Variants in DNAI2 observed in about 807,000 individuals in gnomAD.
DNAI2 encodes the protein dynein axonemal intermediate chain 2.
DNAI2 carries 63 observed loss-of-function variants against 74.7 expected under a neutral mutation model. That is an observed-to-expected ratio of 0.84 (90% confidence interval 0.69 to 1.04). The LOEUF (loss-of-function observed/expected upper bound fraction) is 1.04, where lower values mean the gene tolerates loss of function less well. Among genes scored for constraint, DNAI2 ranks in the 50% least tolerant of loss-of-function variants. DNAI2 has a pLI of 0.00. For synonymous variants in DNAI2, 289 were observed against 314.9 expected (o/e 0.92, Z 0.87); for missense variants, 688 against 803.2 (o/e 0.86, Z 1.73).
At chr17:74,280,925 A>G (rs2051351796) in intron 1 of DNAI2, among the ~76,000 whole-genome samples, 2 of 151,732 alleles carry the variant, frequency 1.3e-5, no homozygotes, top group Admixed American at 1.3e-4. Flanking sequence ...CATCTCTACA[A>G]AACAATACAA....
At chr17:74,302,031 G>A (rs1481669356) in intron 8 of DNAI2, among the ~76,000 whole-genome samples, 1 of 24,180 alleles carries the variant, frequency 4.1e-5, no homozygotes, top group African/African-American at 2.2e-4. Context: ...AGGAAAGAAG[G>A]AAGGAAGGAA....
rs1251342298 is a variant in DNAI2, at chr17:74,300,103, T to G, written c.864+246T>G. Among the ~76,000 whole-genome samples the G allele has an allele frequency of 2.0e-5, 3 of 152,188 alleles. No individual in the cohort carries two copies. Among genetic ancestry groups the G allele is most frequent in the Non-Finnish European group, 4.4e-5 (3 of 68,020 alleles). Reference sequence around the variant, plus strand: ...AGCTGGGATTACAGGCGCCTGCCACTATGCCTGGTTAATTTTTTATTTTTA... The same window carrying G: ...AGCTGGGATTACAGGCGCCTGCCACGATGCCTGGTTAATTTTTTATTTTTA... On this transcript the variant is annotated intron_variant, in intron 7 of 13. Transcript: ENST00000311014. This position sits in a 1 kb window ranked among gnomAD's most constrained non-coding sequence, Gnocchi z 4.5.
At chr17:74,288,532 C>T (rs1430867476) in intron 4 of DNAI2, among the ~76,000 whole-genome samples, 1 of 152,154 alleles carries the variant, frequency 6.6e-6, no homozygotes, top group Admixed American at 6.6e-5. Context: ...CTTCTGGCAT[C>T]CGGAACTGTG....
chr17:74,281,777 C>G (rs757638244), intron 1 of DNAI2, 30 bp from the exon 2 acceptor site: 3 of 1,605,594 alleles, frequency 1.9e-6, no homozygotes, highest in South Asian at 2.2e-5. Context: ...GGTGGGGTCC[C>G]TCACCCCACA....
chr17:74,312,161 G>A lies in DNAI2; in HGVS notation c.1653G>A (p.Glu551=), dbSNP rs1259057139. The change falls in exon 12 of 14, where the codon GAG becomes GAA. Residue 551 remains glutamate, a synonymous_variant. Coordinates refer to ENST00000311014, the MANE Select transcript of DNAI2 (RefSeq NM_023036.6). ...LEALVSKAEE[E]FFDIIFAELK... ...CGCTGGTCAGCAAGGCCGAGGAGGA[G>A]TTCTTCGACATCATCTTCGCAGAGC... 1.9e-6 allele frequency: 3 copies of A among 1,564,030 alleles called. No homozygotes were observed. Among genetic ancestry groups the A allele is most frequent in the South Asian group, 1.1e-5 (1 of 90,380 alleles).
chr17:74,303,434 G>A (rs1414711152), intron 8 of DNAI2, among the ~76,000 whole-genome samples: 1 of 152,088 alleles, frequency 6.6e-6, no homozygotes, highest in East Asian at 1.9e-4. Context: ...CCAACTTGAA[G>A]CCCAGGTTTT....
At chr17:74,296,203 A>C (rs921150832) in intron 6 of DNAI2, among the ~76,000 whole-genome samples, 1 of 152,110 alleles carries the variant, frequency 6.6e-6, no homozygotes, top group Non-Finnish European at 1.5e-5. Flanking sequence ...AGTTGAGCAC[A>C]GTGGCTCACG....
At position 74,299,795 on chromosome 17, in the gene DNAI2, G is replaced by A; in HGVS notation, c.802G>A (p.Gly268Ser). Reference protein sequence around the residue: ...IESSHRDPVYGTIWLQSKTGT... With the variant: ...IESSHRDPVYSTIWLQSKTGT... ...GTCCAGCCACCGAGACCCTGTGTAT[G>A]GCACCATCTGGCTGCAGTCGAAGAC... The change falls in exon 7 of 14, where the codon GGC becomes AGC. Residue 268 changes from glycine (G) to serine (S), a missense_variant. Gly to Ser is a moderately conservative substitution (Grantham distance 56, BLOSUM62 0). Coordinates refer to ENST00000311014, the MANE Select transcript of DNAI2 (RefSeq NM_023036.6). The A allele has an allele frequency of 1.2e-6, 2 of 1,613,538 alleles. No individual in the cohort carries two copies. The highest frequency in any genetic ancestry group is 1.7e-6 in the Non-Finnish European group (2 of 1,180,006).
At chr17:74,277,395 A>G (rs1287571951) in intron 1 of DNAI2, among the ~76,000 whole-genome samples, 5 of 151,860 alleles carry the variant, frequency 3.3e-5, no homozygotes, top group Admixed American at 1.3e-4. Context: ...AAAAAAAAAA[A>G]AAAAAAGAAA....
chr17:74,307,427 G>A (rs973288568), intron 9 of DNAI2: 3 of 400,840 alleles, frequency 7.5e-6, no homozygotes, highest in Admixed American at 2.7e-5. Context: ...CAGCACTTTG[G>A]GAGGCTGAGG....
rs550292414 is a variant in DNAI2, at chr17:74,300,651, G to A, written c.865-395G>A. ...TATACACAGATTGTTGCACACATGC[G>A]GGGATATATCTACAGCAGACATTGC... is the stretch of plus-strand genomic sequence containing the variant. On this transcript the variant is annotated intron_variant, in intron 7 of 13. Coordinates refer to ENST00000311014, the MANE Select transcript of DNAI2 (RefSeq NM_023036.6). This position sits in a 1 kb window ranked among gnomAD's most constrained non-coding sequence, Gnocchi z 4.5. Among the ~76,000 whole-genome samples, 32 of 152,316 alleles carry A rather than the reference G, an allele frequency of 2.1e-4. No homozygotes were observed. The highest frequency in any genetic ancestry group is 1.6e-3 in the Admixed American group (24 of 15,300).
intron 2 of DNAI2, among the ~76,000 whole-genome samples, chr17:74,283,613 A>G (rs1226581983): frequency 6.6e-6 from 1 of 152,166 alleles, no homozygotes; most frequent in Non-Finnish European, 1.5e-5. Context: ...GTCTCTAAAA[A>G]TAAATAACTA....
intron 12 of DNAI2, among the ~76,000 whole-genome samples, chr17:74,313,215 G>A (rs1290211799): frequency 1.3e-5 from 2 of 152,204 alleles, no homozygotes; most frequent in South Asian, 2.1e-4. Context: ...TGGACAGAGC[G>A]AAGGATGGTG....
rs34159194 is a variant in DNAI2, at chr17:74,299,827, C to T, written c.834C>T (p.Thr278=). The T allele has an allele frequency of 0.17, 275,856 of 1,613,300 alleles. 25,959 individuals are homozygous for T. Among genetic ancestry groups the T allele is most frequent in the Non-Finnish European group, 0.2 (230,455 of 1,179,880 alleles). The change falls in exon 7 of 14, where the codon ACC becomes ACT. Residue 278 remains threonine, a synonymous_variant. Transcript: ENST00000311014. ...TCTGGCTGCAGTCGAAGACGGGCAC[C>T]GAGTGCTTCTCAGCTTCCACGGATG... is the stretch of plus-strand genomic sequence containing the variant. The part of the protein sequence containing the change: ...GTIWLQSKTG[T]ECFSASTDGQ...
intron 1 of DNAI2, among the ~76,000 whole-genome samples, chr17:74,276,098 C>T (rs2051058807): frequency 6.6e-6 from 1 of 152,094 alleles, no homozygotes; most frequent in Admixed American, 6.6e-5. Flanking sequence ...TGACACTCCT[C>T]CTCCCCATCA....
chr17:74,301,890 G>A (rs1181378458), intron 8 of DNAI2, among the ~76,000 whole-genome samples: 2 of 29,720 alleles, frequency 6.7e-5, no homozygotes, highest in African/African-American at 3.4e-4. Flanking sequence ...AAGGAAGGAA[G>A]GAAGGAAGGA....
At chr17:74,295,502 G>A (rs1354781044) in intron 6 of DNAI2, among the ~76,000 whole-genome samples, 1 of 152,110 alleles carries the variant, frequency 6.6e-6, no homozygotes, top group African/African-American at 2.4e-5. Flanking sequence ...ACTTCCTTTA[G>A]TTCTTTGAAC....
At position 74,314,280 on chromosome 17, in the gene DNAI2, C is replaced by G; in HGVS notation, c.*55+9C>G. On this transcript the variant is annotated intron_variant, in intron 13 of 13. Transcript: ENST00000311014. ...TCCTTTCCCACCTCTTGGTATTGCC[C>G]CGCTCTCACAAGTGGGAGGCTGAGC... is the stretch of plus-strand genomic sequence containing the variant. The G allele has an allele frequency of 1.2e-6, 2 of 1,609,310 alleles. No individual in the cohort carries two copies. Among genetic ancestry groups the G allele is most frequent in the South Asian group, 2.2e-5 (2 of 90,760 alleles).
At chr17:74,285,594 A>T (rs1268309072) in intron 3 of DNAI2, among the ~76,000 whole-genome samples, 2 of 44,734 alleles carry the variant, frequency 4.5e-5, no homozygotes, top group Non-Finnish European at 1.6e-4. Context: ...TGCCAGTGCA[A>T]AAAAAAAAAA....
Sources: allele counts gnomAD v4.1 joint callset (sites outside exome capture counted in the v4.1 genomes callset), GRCh38; gene constraint gnomAD v4.1.1; non-coding constraint Gnocchi (gnomAD v3.1); transcripts MANE v1.5; gene names NCBI Gene and HGNC (gene_info 2026-07-23, HGNC 2026-07-21).